The following CDH12 variants were observed in gnomAD, a reference collection of about 807,000 sequenced individuals.
CDH12 encodes cadherin-12.
A neutral mutation model predicts 74.1 loss-of-function variants in CDH12; 41 were observed. That is an observed-to-expected ratio of 0.55 (90% CI 0.43 to 0.72). CDH12 has a LOEUF of 0.72. Among genes scored for constraint, CDH12 ranks in the 30% least tolerant of loss-of-function variants. The pLI is 0.00. For synonymous variants in CDH12, 399 were observed against 355.0 expected (o/e 1.12, Z -1.39); for missense variants, 945 against 977.2 (o/e 0.97, Z 0.44).
rs1284340665 is a variant in CDH12 at position 22,127,493 on chromosome 5, A to AG, written c.-186-48632_-186-48631insC. Among the ~76,000 whole-genome samples, 10 of 117,662 alleles carry AG rather than the reference A, an allele frequency of 8.5e-5. No homozygotes were observed. In the East Asian group the frequency reaches 9.7e-4, roughly 11 times the overall value. The allele number at this position is 117,662 out of a possible 152,430, so 77.2% of individuals were successfully genotyped here. On this transcript the variant is annotated intron_variant, in intron 4 of 14. Transcript: ENST00000382254. ...ACTCCATCTCGAAAAAAAAAAAAAA[A>AG]AGAGAAAAGTAGGTGAAAAGAAGTA...
intron 1 of CDH12, among the ~76,000 whole-genome samples, chr5:22,702,674 G>A (rs1266345996): frequency 1.3e-5 from 2 of 151,848 alleles, no homozygotes; most frequent in Non-Finnish European, 2.9e-5. Flanking sequence ...TTCCCATCTA[G>A]TCTATCAAAT....
At chr5:22,261,336 C>T (rs1753503893) in intron 3 of CDH12, among the ~76,000 whole-genome samples, 1 of 151,830 alleles carries the variant, frequency 6.6e-6, no homozygotes, top group Admixed American at 6.6e-5. Context: ...TATTTCCCAT[C>T]ACCATTTCTC....
rs547395861 is a variant in CDH12, at chr5:21,981,330, T to C, written c.232-5945A>G. Among the ~76,000 whole-genome samples the C allele has an allele frequency of 2.6e-5, 4 of 152,220 alleles. No individual in the cohort carries two copies. In the South Asian group the frequency reaches 6.2e-4, roughly 24 times the overall value. On this transcript the variant is annotated intron_variant, in intron 5 of 14. Coordinates refer to ENST00000382254, the MANE Select transcript of CDH12 (RefSeq NM_004061.5). ...AATTTTCAAATTCATAATAAAAGTA[T>C]ATAGTATTCATCTGTATACTTACCT...
chr5:22,309,913 A>C (rs1738305585), intron 3 of CDH12, among the ~76,000 whole-genome samples: 1 of 148,204 alleles, frequency 6.7e-6, no homozygotes, highest in Admixed American at 6.9e-5. Flanking sequence ...CTGGCTCCCA[A>C]ATTCTGCCGT....
chr5:22,699,789 C>T (rs1417891903), intron 1 of CDH12, among the ~76,000 whole-genome samples: 1 of 152,086 alleles, frequency 6.6e-6, no homozygotes, highest in Non-Finnish European at 1.5e-5. Flanking sequence ...ACATGACAAT[C>T]AGAAGATTGC....
chr5:22,327,280 ACAAAGT>A (rs1234571525), intron 3 of CDH12, among the ~76,000 whole-genome samples: 2 of 152,184 alleles, frequency 1.3e-5, no homozygotes, highest in Non-Finnish European at 2.9e-5. Context: ...CCCCAAAGAC[ACAAAGT>A]CATTTTTATT....
intron 1 of CDH12, among the ~76,000 whole-genome samples, chr5:22,598,535 T>C (rs1437255494): frequency 5.9e-5 from 9 of 152,188 alleles, no homozygotes; most frequent in Admixed American, 5.9e-4. Flanking sequence ...TTAAACCTCT[T>C]TCCTTTATAA....
chr5:21,880,595 C>CTTT (rs1752234568), intron 6 of CDH12, among the ~76,000 whole-genome samples: 1 of 52,630 alleles, frequency 1.9e-5, no homozygotes, highest in African/African-American at 6.3e-5. Flanking sequence ...TTCCTTCCTT[C>CTTT]CTTCCTTCCT....
chr5:22,516,558 G>T (rs1334976045), intron 1 of CDH12, among the ~76,000 whole-genome samples: 1 of 152,228 alleles, frequency 6.6e-6, no homozygotes, highest in South Asian at 2.1e-4. Flanking sequence ...ATTTTAGGAG[G>T]CTGAGGTGGG....
At chr5:21,840,870 A>G (rs1749803637) in intron 8 of CDH12, among the ~76,000 whole-genome samples, 1 of 152,200 alleles carries the variant, frequency 6.6e-6, no homozygotes, top group South Asian at 2.1e-4. Context: ...GATGGATTAA[A>G]GACTTAAACG....
At chr5:21,965,803 C>T (rs1426714122) in intron 6 of CDH12, among the ~76,000 whole-genome samples, 2 of 151,834 alleles carry the variant, frequency 1.3e-5, no homozygotes, top group Admixed American at 6.6e-5. Flanking sequence ...AATGAGGCAA[C>T]CAAATATGAA....
chr5:21,853,085 T>G (rs1242719289), intron 7 of CDH12, among the ~76,000 whole-genome samples: 1 of 151,544 alleles, frequency 6.6e-6, no homozygotes. Context: ...TCTTTTTATT[T>G]TCAATTTACC....
intron 1 of CDH12, among the ~76,000 whole-genome samples, chr5:22,779,579 A>T (rs1336142380): frequency 6.6e-6 from 1 of 152,126 alleles, no homozygotes; most frequent in Non-Finnish European, 1.5e-5. Context: ...CCCCACATCG[A>T]GGGAGGGACC....
intron 7 of CDH12, among the ~76,000 whole-genome samples, chr5:21,847,969 G>T (rs1344986610): frequency 6.6e-6 from 1 of 152,100 alleles, no homozygotes; most frequent in East Asian, 1.9e-4. Context: ...TGGCTAGCTA[G>T]AAGAATACCA....
chr5:22,059,723 T>G (rs1204099586), intron 5 of CDH12, among the ~76,000 whole-genome samples: 1 of 152,148 alleles, frequency 6.6e-6, no homozygotes, highest in African/African-American at 2.4e-5. Context: ...AACCGCCTCA[T>G]GTTATTTCAA....
chr5:22,813,585 A>G lies in CDH12; in HGVS notation c.-523+39473T>C, dbSNP rs1487174910. 2.0e-5 allele frequency among the ~76,000 whole-genome samples: 3 copies of G among 151,944 alleles called. No homozygotes were observed. The East Asian group carries it at 5.8e-4, about 29-fold the overall frequency. ...AGTACAGCGAAGGTGATGGGATGTCATTTCTGTGATAATGTTACATACAAT... is the reference window on the plus strand; with the variant it reads ...AGTACAGCGAAGGTGATGGGATGTCGTTTCTGTGATAATGTTACATACAAT... On this transcript the variant is annotated intron_variant, in intron 1 of 14. Coordinates refer to ENST00000382254, the MANE Select transcript of CDH12 (RefSeq NM_004061.5).
At chr5:22,471,537 G>T (rs1363065129) in intron 2 of CDH12, among the ~76,000 whole-genome samples, 1 of 151,984 alleles carries the variant, frequency 6.6e-6, no homozygotes, top group African/African-American at 2.4e-5. Flanking sequence ...CACATACAAG[G>T]CTACATTTGT....
At chr5:22,291,170 C>T (rs533735244) in intron 3 of CDH12, among the ~76,000 whole-genome samples, 1 of 152,108 alleles carries the variant, frequency 6.6e-6, no homozygotes, top group South Asian at 2.1e-4. Flanking sequence ...ATTCAACATC[C>T]TTTCATTATA....
intron 5 of CDH12, among the ~76,000 whole-genome samples, chr5:22,048,986 T>G (rs926546555): frequency 6.6e-6 from 1 of 152,248 alleles, no homozygotes; most frequent in South Asian, 2.1e-4. Flanking sequence ...ATTTTTATTA[T>G]TTATGAGTTA....
Sources: gnomAD v4.1 joint callset for allele counts (sites outside exome capture counted in the v4.1 genomes callset) on GRCh38, gnomAD v4.1.1 for gene constraint, MANE v1.5 for transcripts, NCBI Gene and HGNC (gene_info 2026-07-23, HGNC 2026-07-21) for gene names.